WWC1: variants seen among roughly 807,000 people sequenced by gnomAD.
WWC1 encodes the protein WW and C2 domain containing 1.
A neutral mutation model predicts 138.4 loss-of-function variants in WWC1; 55 were observed. That is an observed-to-expected ratio of 0.40 (90% CI 0.32 to 0.50). WWC1 has a LOEUF of 0.50. WWC1 is among the 20% of genes least tolerant of loss of function. WWC1 has a pLI of 0.72. For synonymous variants in WWC1, 524 were observed against 564.9 expected (o/e 0.93, Z 1.03); for missense variants, 1,226 against 1,420.4 (o/e 0.86, Z 2.20).
At chr5:168,433,392 C>G (rs1167910932) in intron 15 of WWC1, among the ~76,000 whole-genome samples, 1 of 152,228 alleles carries the variant, frequency 6.6e-6, no homozygotes, top group Non-Finnish European at 1.5e-5. Context: ...GCAGTTTGTG[C>G]TCACTGGATA....
chr5:168,446,652 C>T (rs769872419), intron 17 of WWC1, among the ~76,000 whole-genome samples: 6 of 152,214 alleles, frequency 3.9e-5, no homozygotes, highest in Non-Finnish European at 8.8e-5. Flanking sequence ...CACCTTGTGT[C>T]ACTGTTGGGC....
chr5:168,439,630 CAA>C (rs59747531), intron 15 of WWC1, among the ~76,000 whole-genome samples: 46 of 120,854 alleles, frequency 3.8e-4, no homozygotes, highest in East Asian at 1.2e-3. Flanking sequence ...AACTCTGTCT[CAA>C]AAAAAAAAAA....
chr5:168,342,548 C>T (rs951718050), intron 1 of WWC1, among the ~76,000 whole-genome samples: 7 of 152,140 alleles, frequency 4.6e-5, no homozygotes, highest in South Asian at 2.1e-4. Flanking sequence ...CTGTGGACTT[C>T]GTGGAGGCCC....
chr5:168,390,864 A>C (rs1778432399), intron 3 of WWC1, among the ~76,000 whole-genome samples: 1 of 152,216 alleles, frequency 6.6e-6, no homozygotes, highest in African/African-American at 2.4e-5. Flanking sequence ...GTGTGCCTGG[A>C]GGGCAATATG....
At chr5:168,338,139 C>G (rs998126981) in intron 1 of WWC1, among the ~76,000 whole-genome samples, 1 of 151,780 alleles carries the variant, frequency 6.6e-6, no homozygotes, top group Non-Finnish European at 1.5e-5. Context: ...GGCAAAACCC[C>G]ATCTCTACTA....
chr5:168,367,940 A>G (rs1776440575), intron 1 of WWC1, among the ~76,000 whole-genome samples: 1 of 127,962 alleles, frequency 7.8e-6, no homozygotes, highest in Non-Finnish European at 1.7e-5. Context: ...GTGTCTTTCC[A>G]GTTTCTTTAC....
chr5:168,369,152 C>T (rs113901350), intron 1 of WWC1, among the ~76,000 whole-genome samples: 183 of 152,312 alleles, frequency 1.2e-3, no homozygotes, highest in African/African-American at 4.2e-3. Context: ...TTCTTAGCCT[C>T]AGTTTCTCCT....
intron 1 of WWC1, among the ~76,000 whole-genome samples, chr5:168,362,349 A>C (rs867669455): frequency 4.1e-4 from 62 of 152,182 alleles, no homozygotes; most frequent in African/African-American, 1.3e-3. Context: ...AAATGTGACA[A>C]CTGAGCCACA....
At chr5:168,303,790 G>A (rs150068847) in intron 1 of WWC1, among the ~76,000 whole-genome samples, 43 of 152,230 alleles carry the variant, frequency 2.8e-4, no homozygotes, top group African/African-American at 8.4e-4. Flanking sequence ...TGAGCTGCTC[G>A]GGAGAGGAAG....
At position 168,469,630 on chromosome 5, in the gene WWC1, C is replaced by T. The variant is rs538937923; in HGVS notation, c.*613C>T. On this transcript the variant is annotated 3_prime_UTR_variant, in exon 23 of 23. Coordinates refer to ENST00000265293, the MANE Select transcript of WWC1 (RefSeq NM_015238.3). ...TGATAGGCTGGGTGGGCTAAGCAGC[C>T]TAGTCTATGTGGGTGACAGGCCACG... is the stretch of plus-strand genomic sequence containing the variant. The T allele has an allele frequency of 1.7e-4, 26 of 152,952 alleles. No individual in the cohort carries two copies. The highest frequency in any genetic ancestry group is 6.3e-4 in the African/African-American group (26 of 41,556). 9.5% of individuals were successfully genotyped at this position (152,952 alleles called of 1,614,324 possible).
At chr5:168,318,012 TCC>T (rs926955858) in intron 1 of WWC1, among the ~76,000 whole-genome samples, 8 of 152,184 alleles carry the variant, frequency 5.3e-5, no homozygotes, top group African/African-American at 1.9e-4. Flanking sequence ...ATTGTGTAAC[TCC>T]TGGGTTTATT....
chr5:168,305,449 G>A lies in WWC1; in HGVS notation c.119+13178G>A, dbSNP rs544938831. On this transcript the variant is annotated intron_variant, in intron 1 of 22. Transcript: ENST00000265293. ...CCCAGGCTCCATAGCATCCTGTGCCGTAATAGAATGGCATAATTTCCTGCG... is the reference window on the plus strand; with the variant it reads ...CCCAGGCTCCATAGCATCCTGTGCCATAATAGAATGGCATAATTTCCTGCG... Among the ~76,000 whole-genome samples the A allele has an allele frequency of 7.2e-5, 11 of 152,254 alleles. 1 individual carries two copies. Among genetic ancestry groups the A allele is most frequent in the African/African-American group, 2.2e-4 (9 of 41,546 alleles).
At chr5:168,439,595 C>T (rs1754567794) in intron 15 of WWC1, among the ~76,000 whole-genome samples, 1 of 151,200 alleles carries the variant, frequency 6.6e-6, no homozygotes, top group African/African-American at 2.4e-5. Flanking sequence ...CCATTGCACT[C>T]CAGCAGCCTC....
intron 17 of WWC1, among the ~76,000 whole-genome samples, chr5:168,448,459 A>C (rs1755482483): frequency 6.6e-6 from 1 of 152,202 alleles, no homozygotes; most frequent in South Asian, 2.1e-4. Context: ...ATACAGGAGA[A>C]TATAACACCA....
intron 1 of WWC1, among the ~76,000 whole-genome samples, chr5:168,338,172 G>A (rs9313406): frequency 0.044 from 6,663 of 151,592 alleles, 376 homozygotes; most frequent in African/African-American, 0.13. Context: ...TTAGCCGGGC[G>A]TGGTGGCACG....
At chr5:168,456,514 C>A (rs1756338829) in intron 19 of WWC1, among the ~76,000 whole-genome samples, 1 of 151,950 alleles carries the variant, frequency 6.6e-6, no homozygotes, top group Non-Finnish European at 1.5e-5. Flanking sequence ...GCTTGTAATC[C>A]CAGCTACTTG....
chr5:168,429,563 A>G (rs992374174), intron 13 of WWC1, among the ~76,000 whole-genome samples: 4 of 152,098 alleles, frequency 2.6e-5, no homozygotes, highest in African/African-American at 9.7e-5. Flanking sequence ...CTGGCCTTCA[A>G]TATTTTTTAA....
intron 7 of WWC1, 138 bp downstream of exon 7, chr5:168,408,791 C>T (rs1780007194): frequency 8.6e-7 from 1 of 1,168,478 alleles, no homozygotes; most frequent in Non-Finnish European, 1.2e-6. Flanking sequence ...TGCCTCAGCC[C>T]TCTGGAGCTC....
chr5:168,403,162 A>C (rs1779517813), intron 5 of WWC1, among the ~76,000 whole-genome samples: 1 of 150,878 alleles, frequency 6.6e-6, no homozygotes, highest in Admixed American at 6.6e-5. Flanking sequence ...CAGTGGCGCA[A>C]TCTCAGTTCA....
Sources: allele counts gnomAD v4.1 joint callset (sites outside exome capture counted in the v4.1 genomes callset), GRCh38; gene constraint gnomAD v4.1.1; transcripts MANE v1.5; gene names NCBI Gene and HGNC (gene_info 2026-07-23, HGNC 2026-07-21).